Variants in PTHLH observed in about 807,000 individuals in gnomAD.
PTHLH encodes the protein parathyroid hormone like hormone, also known as parathyroid hormone-related protein.
A neutral mutation model predicts 18.6 loss-of-function variants in PTHLH; 5 were observed. The observed-to-expected ratio is 0.27, with a 90% CI of 0.14 to 0.56. The LOEUF (loss-of-function observed/expected upper bound fraction) is 0.56. PTHLH is among the 20% of genes least tolerant of loss of function. The pLI is 0.92. For synonymous variants in PTHLH, 90 were observed against 94.0 expected, an observed-to-expected ratio of 0.96 and a Z score of 0.25; for missense variants, 207 against 223.9, an observed-to-expected ratio of 0.92 and a Z score of 0.48.
intron 4 of PTHLH, 24 bp from the exon 5 acceptor site, chr12:27,963,794 G>A (rs894039320): frequency 6.2e-7 from 1 of 1,609,622 alleles, no homozygotes; most frequent in African/African-American, 1.3e-5. Context: ...TATTAGAGGG[G>A]AAGAAAACAG....
intron 4 of PTHLH, among the ~76,000 whole-genome samples, chr12:27,968,880 C>G (rs540838361): frequency 6.6e-6 from 1 of 152,318 alleles, no homozygotes; most frequent in Non-Finnish European, 1.5e-5. Flanking sequence ...TTATATAATA[C>G]GCTTTTATTA....
At chr12:27,966,553 A>G (rs2062815416) in intron 4 of PTHLH, among the ~76,000 whole-genome samples, 1 of 152,162 alleles carries the variant, frequency 6.6e-6, no homozygotes, top group Non-Finnish European at 1.5e-5. Context: ...AATTTAGATA[A>G]CTCTGAAATA....
chr12:27,969,168 A>T lies in PTHLH; in HGVS notation c.101+226T>A. 7.0e-6 allele frequency: 4 copies of T among 573,428 alleles called. No individual in the cohort carries two copies. In the South Asian group the frequency reaches 8.5e-5, roughly 12 times the overall value. 35.5% of individuals were successfully genotyped at this position (573,428 alleles called of 1,614,324 possible). ...GTGAAACGCTCCCTCTTATGGAAAC[A>T]CACATAAAGTCTCTCTCTTGCCTGT... On this transcript the variant is annotated intron_variant, in intron 4 of 5. Transcript: ENST00000545234.
At position 27,963,701 on chromosome 12, in the gene PTHLH, T is replaced by C; in HGVS notation, c.171A>G (p.Arg57=). The C allele has an allele frequency of 1.2e-6, 2 of 1,613,530 alleles. No individual in the cohort carries two copies. The highest frequency in any genetic ancestry group is 1.7e-4 in the Middle Eastern group (1 of 6,058). ...KGKSIQDLRR[R]FFLHHLIAEI... Reference sequence around the variant, plus strand: ...CTGCGATCAGATGGTGAAGGAAGAATCGTCGCCGTAAATCTTGGATGGACT... The same window carrying C: ...CTGCGATCAGATGGTGAAGGAAGAACCGTCGCCGTAAATCTTGGATGGACT... Residue 57 remains arginine (R), a synonymous_variant, in exon 5 of 6, where the codon CGA becomes CGG. Transcript: ENST00000545234.
chr12:27,962,585 C>T, intron 5 of PTHLH: 2 of 985,460 alleles, frequency 2.0e-6, no homozygotes, highest in Non-Finnish European at 2.4e-6. Flanking sequence ...AAACAAGCCA[C>T]ATAAATGTGA....
At chr12:27,965,424 G>A (rs568745025) in intron 4 of PTHLH, among the ~76,000 whole-genome samples, 1 of 152,304 alleles carries the variant, frequency 6.6e-6, no homozygotes, top group South Asian at 2.1e-4. Flanking sequence ...TGAAGATCAA[G>A]CCTATTGCCC....
intron 1 of PTHLH, 22 bp downstream of exon 1, chr12:27,972,501 C>T (rs2120690397): frequency 6.6e-6 from 1 of 152,238 alleles, no homozygotes; most frequent in Non-Finnish European, 1.5e-5. Flanking sequence ...TACCAAAGTT[C>T]CCTCCTAATT....
intron 5 of PTHLH, chr12:27,962,684 G>A: frequency 1.0e-6 from 1 of 984,388 alleles, no homozygotes; most frequent in Non-Finnish European, 1.2e-6. Context: ...CTATATCCTT[G>A]TAAGTTAATA....
intron 4 of PTHLH, among the ~76,000 whole-genome samples, chr12:27,967,372 G>A (rs2062823856): frequency 6.6e-6 from 1 of 152,054 alleles, no homozygotes; most frequent in Admixed American, 6.6e-5. Context: ...TCCCTTAAAA[G>A]TTAGCATCTA....
intron 5 of PTHLH, among the ~76,000 whole-genome samples, chr12:27,960,303 G>A (rs532162071): frequency 3.9e-4 from 60 of 152,196 alleles, no homozygotes; most frequent in African/African-American, 1.4e-3. Context: ...CACTGTATCT[G>A]GATATCACAT....
At chr12:27,970,587 C>T (rs2062862930) in intron 2 of PTHLH, among the ~76,000 whole-genome samples, 1 of 151,944 alleles carries the variant, frequency 6.6e-6, no homozygotes, top group African/African-American at 2.4e-5. Flanking sequence ...CCTCCAGGCC[C>T]GGCCGGCTCC....
At chr12:27,959,167 C>T (rs543487533) in intron 5 of PTHLH, among the ~76,000 whole-genome samples, 1 of 152,262 alleles carries the variant, frequency 6.6e-6, no homozygotes, top group African/African-American at 2.4e-5. Context: ...TGATATTTGG[C>T]ATTTCTTTAG....
At chr12:27,964,252 CT>C (rs1565522365) in intron 4 of PTHLH, among the ~76,000 whole-genome samples, 10 of 40,368 alleles carry the variant, frequency 2.5e-4, no homozygotes, top group African/African-American at 4.9e-4. Context: ...CTCTCTCTCT[CT>C]CTCTCTCTCT....
At chr12:27,966,815 G>T (rs1286244653) in intron 4 of PTHLH, among the ~76,000 whole-genome samples, 1 of 152,096 alleles carries the variant, frequency 6.6e-6, no homozygotes, top group African/African-American at 2.4e-5. Flanking sequence ...CACTCCAAGG[G>T]AGTTTTTAGG....
In PTHLH at chr12:27,963,495, T is replaced by C; in HGVS notation, c.377A>G (p.Lys126Arg). The change falls in exon 5 of 6, where the codon AAG becomes AGG. Residue 126 changes from lysine to arginine, a missense_variant. Physicochemically the swap from Lys to Arg is conservative, Grantham distance 26. Coordinates refer to ENST00000545234, the MANE Select transcript of PTHLH (RefSeq NM_198965.2). ...EQPLKTPGKK[K>R]KGKPGKRKEQ... Reference sequence around the variant, plus strand: ...CTTGCGTTTCCCGGGCTTGCCTTTCTTTTTCTTCCCAGGTGTCTTGAGCGG... The same window carrying C: ...CTTGCGTTTCCCGGGCTTGCCTTTCCTTTTCTTCCCAGGTGTCTTGAGCGG... 6.2e-7 allele frequency: 1 copy of C among 1,614,224 alleles called. No individual in the cohort carries two copies. Among genetic ancestry groups the C allele is most frequent in the South Asian group, 1.1e-5 (1 of 91,086 alleles).
intron 2 of PTHLH, among the ~76,000 whole-genome samples, chr12:27,971,694 A>C (rs779484062): frequency 6.6e-6 from 1 of 151,908 alleles, no homozygotes; most frequent in Non-Finnish European, 1.5e-5. Context: ...ATATTTTCTT[A>C]GAAGCTCCTG....
chr12:27,970,713 G>A (rs1286617089), intron 2 of PTHLH, among the ~76,000 whole-genome samples: 13 of 152,102 alleles, frequency 8.5e-5, no homozygotes, highest in Admixed American at 2.0e-4. Context: ...CACCAGGGGC[G>A]GACCGACGAG....
chr12:27,959,125 T>C (rs1037667286), intron 5 of PTHLH, among the ~76,000 whole-genome samples: 1 of 152,222 alleles, frequency 6.6e-6, no homozygotes, highest in African/African-American at 2.4e-5. Flanking sequence ...ATAGAGTTGA[T>C]GGTATAATGA....
In PTHLH at chr12:27,962,550, T is replaced by A. The variant is rs773815366; in HGVS notation, c.524+798A>T. The A allele has an allele frequency of 6.1e-6, 6 of 985,356 alleles. No homozygotes were observed. In the African/African-American group the frequency reaches 1.0e-4, roughly 17 times the overall value. 61.0% of individuals were successfully genotyped at this position (985,356 alleles called of 1,614,324 possible). ...ATCCCAAAGTCTAGGAGTGTCATTA[T>A]TACCTCAATCTGTGAGCTAAGGATA... On this transcript the variant is annotated intron_variant, in intron 5 of 5. Coordinates refer to ENST00000545234, the MANE Select transcript of PTHLH (RefSeq NM_198965.2).
Sources: allele counts gnomAD v4.1 joint callset (sites outside exome capture counted in the v4.1 genomes callset), GRCh38; gene constraint gnomAD v4.1.1; transcripts MANE v1.5; gene names NCBI Gene and HGNC (gene_info 2026-07-23, HGNC 2026-07-21).